The following MIOS variants were observed in gnomAD, a reference collection of about 807,000 sequenced individuals.
MIOS encodes meiosis regulator for oocyte development, also known as GATOR2 complex protein MIOS.
A neutral mutation model predicts 96.9 loss-of-function variants in MIOS; 52 were observed. The ratio of observed to expected loss-of-function variants is 0.54; its 90% CI spans 0.43 to 0.68. The LOEUF (loss-of-function observed/expected upper bound fraction) is 0.68, where lower values mean the gene tolerates loss of function less well. Ranked by LOEUF, MIOS falls within the 30% of genes least tolerant of loss-of-function variation. The pLI, the probability that MIOS is intolerant of heterozygous loss-of-function variation, is 0.00. For synonymous variants in MIOS, 397 were observed against 359.5 expected (o/e 1.10, Z -1.18); for missense variants, 1,005 against 1,052.8 (o/e 0.95, Z 0.63).
chr7:7,585,676 T>C lies in MIOS; in HGVS notation c.1689T>C (p.Gly563=). 1.2e-6 allele frequency: 2 copies of C among 1,607,350 alleles called. No individual in the cohort carries two copies. Among genetic ancestry groups the C allele is most frequent in the Non-Finnish European group, 1.7e-6 (2 of 1,177,216 alleles). ...NLNVVAMALS[G]YTDEKNSLWR... is the part of the protein sequence containing the mutation. ...ATGTGGTAGCAATGGCTTTATCGGG[T>C]TATACGGATGAGAAGAACTCCCTTT... The change falls in exon 7 of 13, where the codon GGT becomes GGC. Residue 563 remains glycine (G), a synonymous_variant. Transcript: ENST00000340080.
intron 11 of MIOS, among the ~76,000 whole-genome samples, chr7:7,597,458 C>T (rs1784235883): frequency 1.0e-5 from 1 of 96,590 alleles, no homozygotes; most frequent in African/African-American, 3.7e-5. Flanking sequence ...TTGTCAGTTA[C>T]CTAGTAAATT....
intron 12 of MIOS, among the ~76,000 whole-genome samples, 185 bp from the exon 13 acceptor site, chr7:7,606,811 C>T (rs545503988): frequency 1.6e-4 from 24 of 152,204 alleles, no homozygotes; most frequent in East Asian, 7.7e-4. Context: ...AACAGGTGGG[C>T]ACAGTGGTGC....
chr7:7,568,544 T>C (rs978792688), intron 3 of MIOS, among the ~76,000 whole-genome samples: 4 of 152,258 alleles, frequency 2.6e-5, no homozygotes, highest in Non-Finnish European at 5.9e-5. Context: ...GGGCTACTCT[T>C]ATGATGTGCA....
Position 7,573,565 on chromosome 7 carries a change from A to T in MIOS, c.1090A>T (p.Thr364Ser). 6.2e-7 allele frequency: 1 copy of T among 1,614,090 alleles called. No homozygotes were observed. The part of the protein sequence containing the change: ...ERISLAWSPI[T>S]SLMWACGRHL... Reference sequence around the variant, plus strand: ...GATATCTCTTGCCTGGAGCCCAATTACATCTTTAATGTGGGCTTGTGGTCG... The same window carrying T: ...GATATCTCTTGCCTGGAGCCCAATTTCATCTTTAATGTGGGCTTGTGGTCG... The change falls in exon 4 of 13, where the codon ACA becomes TCA. Residue 364 changes from threonine to serine, a missense_variant. Thr to Ser is a moderately conservative substitution (Grantham distance 58). Around this residue, in one of 3 missense-constraint regions of MIOS, gnomAD observed 865 missense variants for 887.9 expected, o/e 0.97. Transcript: ENST00000340080. The surrounding 1 kb of genome is among the most constrained non-coding windows in gnomAD (Gnocchi z 5.0).
intron 11 of MIOS, chr7:7,605,249 C>T (rs1044619591): frequency 2.6e-5 from 4 of 151,546 alleles, no homozygotes; most frequent in Non-Finnish European, 4.4e-5. Flanking sequence ...TGCTTTTTCT[C>T]TTCTTTGAAA....
At chr7:7,601,281 TG>T (rs1192411424) in intron 11 of MIOS, among the ~76,000 whole-genome samples, 2 of 150,008 alleles carry the variant, frequency 1.3e-5, no homozygotes, top group Non-Finnish European at 3.0e-5. Context: ...ATCCAGGAGC[TG>T]GTTTTTTTTT....
chr7:7,567,145 C>T (rs1487390985), intron 1 of MIOS, 73 bp downstream of exon 1: 5 of 152,154 alleles, frequency 3.3e-5, no homozygotes, highest in African/African-American at 9.7e-5. Context: ...CCGGAGATAG[C>T]CTAGTTGAAA....
In MIOS at chr7:7,608,470, C is replaced by G. The variant is rs918065031; in HGVS notation, c.*1378C>G. On this transcript the variant is annotated 3_prime_UTR_variant, in exon 13 of 13. Coordinates refer to ENST00000340080, the MANE Select transcript of MIOS (RefSeq NM_019005.4). ...CCTTGAGTGTCTGATACATAAAACC[C>G]TTTTCTAGGAAAACATTGGAAGTAG... 6 of 151,978 alleles carry G rather than the reference C, an allele frequency of 3.9e-5. No homozygotes were observed. Among genetic ancestry groups the G allele is most frequent in the Admixed American group, 2.0e-4 (3 of 15,228 alleles). 9.4% of individuals were successfully genotyped at this position (151,978 alleles called of 1,614,324 possible).
chr7:7,608,140 C>G lies in MIOS; in HGVS notation c.*1048C>G, dbSNP rs1442426858. On this transcript the variant is annotated 3_prime_UTR_variant, in exon 13 of 13. Transcript: ENST00000340080. ...TTTTTAAATGTAAGTGTTACTGGGG[C>G]TAAGTCAGGTACTTTATTTAAAACA... The G allele has an allele frequency of 2.2e-5, 3 of 135,526 alleles. No homozygotes were observed. Among genetic ancestry groups the G allele is most frequent in the Non-Finnish European group, 4.7e-5 (3 of 63,602 alleles). The allele number at this position is 135,526 out of a possible 1,614,324, so 8.4% of individuals were successfully genotyped here. A position where few individuals can be genotyped will look rare whatever the true frequency, so the allele number is the denominator to read the frequency against.
At chr7:7,577,179 A>T (rs943326300) in intron 5 of MIOS, among the ~76,000 whole-genome samples, 6 of 152,184 alleles carry the variant, frequency 3.9e-5, no homozygotes, top group African/African-American at 1.4e-4. Context: ...TAGGAGAAAG[A>T]TCTATATGAC....
chr7:7,581,598 T>C (rs368691071), intron 5 of MIOS: 1 of 152,170 alleles, frequency 6.6e-6, no homozygotes, highest in African/African-American at 2.4e-5. Context: ...TCCAAGTTCA[T>C]GGAGTTGTTG....
chr7:7,582,627 CAG>C (rs1198564370), intron 5 of MIOS: 5 of 978,102 alleles, frequency 5.1e-6, no homozygotes, highest in Admixed American at 6.2e-5. Context: ...TTTTAATGTA[CAG>C]AGAAAGAAGG....
At chr7:7,594,891 T>G in intron 9 of MIOS, 89 bp from the exon 10 acceptor site, 6 of 977,664 alleles carry the variant, frequency 6.1e-6, no homozygotes, top group Non-Finnish European at 8.4e-6. Flanking sequence ...CTATTTCTTC[T>G]GTGTTACTCA....
intron 7 of MIOS, 23 bp downstream of exon 7, chr7:7,585,828 A>G (rs1339349748): frequency 1.9e-6 from 3 of 1,574,964 alleles, no homozygotes; most frequent in African/African-American, 2.7e-5. Flanking sequence ...GTTTTTTAAG[A>G]TCTTCCTTTG....
intron 3 of MIOS, among the ~76,000 whole-genome samples, 173 bp downstream of exon 3, chr7:7,568,296 C>T (rs749707314): frequency 2.0e-5 from 3 of 152,068 alleles, no homozygotes; most frequent in Admixed American, 6.5e-5. Context: ...ATTGTCACAG[C>T]TTTGTGAGAT....
intron 9 of MIOS, among the ~76,000 whole-genome samples, chr7:7,591,283 T>G (rs1050365959): frequency 2.1e-5 from 3 of 145,830 alleles, no homozygotes; most frequent in African/African-American, 7.4e-5. Flanking sequence ...CTGTGATGTT[T>G]CATTTTTTGT....
rs749881512 is a variant in MIOS at position 7,573,186 on chromosome 7, C to T, written c.711C>T (p.His237=). Residue 237 remains histidine, a synonymous_variant, in exon 4 of 13, where the codon CAC becomes CAT. Transcript: ENST00000340080. This position sits in a 1 kb window ranked among gnomAD's most constrained non-coding sequence, Gnocchi z 5.0. ...VQGVTVDPYF[H]DRVASFYEGQ... ...GTGTGACGGTAGACCCATATTTCCA[C>T]GATCGTGTTGCTTCCTTCTATGAAG... 17 of 1,613,950 alleles carry T rather than the reference C, an allele frequency of 1.1e-5. No homozygotes were observed. Among genetic ancestry groups the T allele is most frequent in the African/African-American group, 2.7e-5 (2 of 74,886 alleles).
intron 11 of MIOS, among the ~76,000 whole-genome samples, chr7:7,599,709 G>C (rs1247778662): frequency 6.6e-6 from 1 of 152,136 alleles, no homozygotes; most frequent in Non-Finnish European, 1.5e-5. Flanking sequence ...GAAAATTAGG[G>C]AGAGCCTGAA....
rs1385773501 is a variant in MIOS, at chr7:7,608,104, T to G, written c.*1012T>G. On this transcript the variant is annotated 3_prime_UTR_variant, in exon 13 of 13. Transcript: ENST00000340080. ...AAATGGGGTCACTTCAGAGACCATT[T>G]TAGATGTAAGTTTTTAAATGTAAGT... 1 of 152,058 alleles carries G rather than the reference T, an allele frequency of 6.6e-6. No homozygotes were observed. The highest frequency in any genetic ancestry group is 1.5e-5 in the Non-Finnish European group (1 of 67,970). 9.4% of individuals were successfully genotyped at this position (152,058 alleles called of 1,614,324 possible). A position where few individuals can be genotyped will look rare whatever the true frequency, so the allele number is the denominator to read the frequency against.
Sources: allele counts gnomAD v4.1 joint callset (sites outside exome capture counted in the v4.1 genomes callset), GRCh38; gene constraint gnomAD v4.1.1; regional missense constraint gnomAD v4.1.1; non-coding constraint Gnocchi (gnomAD v3.1); transcripts MANE v1.5; gene names NCBI Gene and HGNC (gene_info 2026-07-23, HGNC 2026-07-21).